PARP16: variants seen among roughly 807,000 people sequenced by gnomAD.
PARP16 encodes the protein poly(ADP-ribose) polymerase family member 16, also known as protein mono-ADP-ribosyltransferase PARP16.
Under a neutral mutation model 35.0 loss-of-function variants are expected in PARP16, and 31 were observed. The ratio of observed to expected loss-of-function variants is 0.88; its 90% CI spans 0.66 to 1.19. The LOEUF is 1.19. Among genes scored for constraint, PARP16 ranks in the 50% most tolerant of loss-of-function variants. The pLI, the probability that PARP16 is intolerant of heterozygous loss-of-function variation, is 0.00. For missense variants in PARP16, 424 were observed against 411.2 expected (o/e 1.03, Z -0.27); for synonymous variants, 162 against 169.5 (o/e 0.96, Z 0.34).
At chr15:65,273,186 A>C (rs2090142588) in intron 1 of PARP16, among the ~76,000 whole-genome samples, 1 of 148,082 alleles carries the variant, frequency 6.8e-6, no homozygotes, top group Non-Finnish European at 1.5e-5. Flanking sequence ...GCCAAGGTAA[A>C]AGAATCACTT....
In PARP16 at chr15:65,286,438, G is replaced by A; in HGVS notation, c.-12C>T. Reference sequence around the variant, plus strand: ...CCTGAGGGCTGCATCCCAGGTCACTGCGCGTTGCCGGGGTAGACGCGCTGG... The same window carrying A: ...CCTGAGGGCTGCATCCCAGGTCACTACGCGTTGCCGGGGTAGACGCGCTGG... On this transcript the variant is annotated 5_prime_UTR_variant, in exon 1 of 6. Coordinates refer to ENST00000649807, the MANE Select transcript of PARP16 (RefSeq NM_001316943.2). 2.0e-6 allele frequency: 3 copies of A among 1,471,868 alleles called. No homozygotes were observed. The highest frequency in any genetic ancestry group is 5.3e-5 in the East Asian group (2 of 37,652). The allele number at this position is 1,471,868 out of a possible 1,614,324, so 91.2% of individuals were successfully genotyped here.
chr15:65,234,377 G>T (rs952455354), downstream of PARP16: 1 of 152,154 alleles, frequency 6.6e-6, no homozygotes, highest in Non-Finnish European at 1.5e-5. Flanking sequence ...CTGAACTGGG[G>T]CTTCCAGAAT....
downstream of PARP16, among the ~76,000 whole-genome samples, chr15:65,232,357 A>G (rs1271236110): frequency 6.6e-6 from 1 of 152,054 alleles, no homozygotes; most frequent in African/African-American, 2.4e-5. Flanking sequence ...AGAACCAAAT[A>G]TTTTTCGTGT....
chr15:65,260,910 C>T lies in PARP16; in HGVS notation c.808G>A (p.Val270Met). Residue 270 changes from valine (V) to methionine (M), a missense_variant, in exon 5 of 6, where the codon GTG (valine) becomes ATG (methionine). Transcript: ENST00000649807. ...NQLLRVKYLL[V>M]YSQKPPKRAS... Reference sequence around the variant, plus strand: ...CTCTTGGGTGGCTTCTGTGAATACACCAGGAGGTACTTCACTCGCAGCAGC... The same window carrying T: ...CTCTTGGGTGGCTTCTGTGAATACATCAGGAGGTACTTCACTCGCAGCAGC... The T allele has an allele frequency of 6.2e-7, 1 of 1,613,964 alleles. No individual in the cohort carries two copies. Among genetic ancestry groups the T allele is most frequent in the Non-Finnish European group, 8.5e-7 (1 of 1,179,920 alleles).
intron 1 of PARP16, among the ~76,000 whole-genome samples, chr15:65,283,391 T>C (rs1452929093): frequency 1.3e-5 from 2 of 152,114 alleles, no homozygotes; most frequent in Non-Finnish European, 2.9e-5. Context: ...CTCACCTCTA[T>C]ACCCTCCCCT....
chr15:65,247,798 CTT>C (rs930896140), intron 3 of PARP16, among the ~76,000 whole-genome samples: 20 of 90,980 alleles, frequency 2.2e-4, no homozygotes, highest in African/African-American at 4.8e-4. Context: ...ATGGATTGTT[CTT>C]TTTTTTTTTT....
chr15:65,269,852 T>A (rs2090038972), intron 2 of PARP16, among the ~76,000 whole-genome samples: 1 of 152,222 alleles, frequency 6.6e-6, no homozygotes, highest in Middle Eastern at 3.4e-3. Flanking sequence ...GCACCCAACA[T>A]CTAGTAGGTG....
rs1197965515 is a variant in PARP16, at chr15:65,283,770, A to G, written c.174+2483T>C. ...TAACCTCTCCACGGGTTAATCCTGTATCCTTAGCACCTGTCCCATAGCAAA... is the reference window on the plus strand; with the variant it reads ...TAACCTCTCCACGGGTTAATCCTGTGTCCTTAGCACCTGTCCCATAGCAAA... On this transcript the variant is annotated intron_variant, in intron 1 of 5. Transcript: ENST00000649807. Among the ~76,000 whole-genome samples, 3 of 152,174 alleles carry G rather than the reference A, an allele frequency of 2.0e-5. No individual in the cohort carries two copies. The East Asian group carries it at 5.8e-4, about 29-fold the overall frequency.
Position 65,286,338 on chromosome 15 carries a change from G to A in PARP16, c.89C>T (p.Ala30Val), listed in dbSNP as rs763752978. The change falls in exon 1 of 6, where the codon GCC (alanine) becomes GTC (valine). Residue 30 changes from alanine (A) to valine (V), a missense_variant. Ala to Val is a moderately conservative substitution (Grantham distance 64). Transcript: ENST00000649807. Reference sequence around the variant, plus strand: ...CGAGTCGCGCTTGTAGCTCTGCAGGGCCGAGGCGAAGAGGCTGCACCGGAG... The same window carrying A: ...CGAGTCGCGCTTGTAGCTCTGCAGGACCGAGGCGAAGAGGCTGCACCGGAG... ...ADLRCSLFAS[A>V]LQSYKRDSVL... 7.5e-6 allele frequency: 12 copies of A among 1,602,620 alleles called. No homozygotes were observed. Among genetic ancestry groups the A allele is most frequent in the South Asian group, 6.7e-5 (6 of 89,480 alleles).
chr15:65,230,952 G>A (rs1340208721), downstream of PARP16, among the ~76,000 whole-genome samples: 8 of 143,106 alleles, frequency 5.6e-5, no homozygotes, highest in Admixed American at 4.4e-4. Flanking sequence ...GCAGTGGTGC[G>A]ATCTCAGCTC....
chr15:65,261,228 G>A (rs2089701352), intron 4 of PARP16, among the ~76,000 whole-genome samples: 1 of 151,548 alleles, frequency 6.6e-6, no homozygotes, highest in Non-Finnish European at 1.5e-5. Context: ...AAAAGAGTAG[G>A]AAAATATAAG....
At position 65,259,496 on chromosome 15, in the gene PARP16, T is replaced by A; in HGVS notation, c.880A>T (p.Met294Leu). The A allele has an allele frequency of 6.2e-7, 1 of 1,613,910 alleles. No individual in the cohort carries two copies. The highest frequency in any genetic ancestry group is 2.2e-5 in the East Asian group (1 of 44,880). ...AGCAGCAGCAGATACAGGGATATCA[T>A]GACGGTAAACCAATGGCTGGAAAAC... The part of the protein sequence containing the change: ...SWFSSHWFTV[M>L]ISLYLLLLLI... Residue 294 changes from methionine (M) to leucine (L), a missense_variant, in exon 6 of 6, where the codon ATG becomes TTG. By Grantham distance (15) the Met-to-Leu change is conservative. Coordinates refer to ENST00000649807, the MANE Select transcript of PARP16 (RefSeq NM_001316943.2).
intron 5 of PARP16, among the ~76,000 whole-genome samples, chr15:65,259,835 CTA>C (rs2089642476): frequency 1.3e-5 from 2 of 152,196 alleles, no homozygotes; most frequent in Non-Finnish European, 2.9e-5. Flanking sequence ...ATCTTGGTAT[CTA>C]TAACAATGAC....
At chr15:65,268,756 T>C (rs115886642) in intron 2 of PARP16, among the ~76,000 whole-genome samples, 1,676 of 151,658 alleles carry the variant, frequency 0.011, 26 homozygotes, top group African/African-American at 0.037. Context: ...ATTTCAGTGG[T>C]TTTTTCTTTT....
chr15:65,231,634 G>A (rs1249048401), downstream of PARP16, among the ~76,000 whole-genome samples: 1 of 151,944 alleles, frequency 6.6e-6, no homozygotes, highest in Non-Finnish European at 1.5e-5. Context: ...TTTTAGTAGA[G>A]ACGGAGTTTC....
chr15:65,283,094 A>C (rs939737931), intron 1 of PARP16, among the ~76,000 whole-genome samples: 17 of 152,142 alleles, frequency 1.1e-4, no homozygotes, highest in African/African-American at 3.4e-4. Context: ...GAAAGAAAAT[A>C]AGTTCCAGAT....
downstream of PARP16, among the ~76,000 whole-genome samples, chr15:65,231,486 G>GTT: frequency 6.8e-6 from 1 of 146,814 alleles, no homozygotes; most frequent in Non-Finnish European, 1.5e-5. Context: ...TTCGCTCTGA[G>GTT]TCACCCAGGC....
chr15:65,236,277 G>T (rs1432564845), intron 3 of PARP16, among the ~76,000 whole-genome samples: 1 of 152,216 alleles, frequency 6.6e-6, no homozygotes, highest in Non-Finnish European at 1.5e-5. Context: ...TAGTGGTAGA[G>T]CCAAACATTA....
chr15:65,256,643 G>C (rs528067790), downstream of PARP16, among the ~76,000 whole-genome samples: 3 of 152,002 alleles, frequency 2.0e-5, no homozygotes, highest in South Asian at 6.2e-4. Flanking sequence ...TCCTGACGTC[G>C]TGATCCTCCC....
Sources: gnomAD v4.1 joint callset for allele counts (sites outside exome capture counted in the v4.1 genomes callset) on GRCh38, gnomAD v4.1.1 for gene constraint, MANE v1.5 for transcripts, NCBI Gene and HGNC (gene_info 2026-07-23, HGNC 2026-07-21) for gene names.